The following EFCAB6 variants were observed in gnomAD, a reference collection of about 807,000 sequenced individuals.
EFCAB6 encodes EF-hand calcium binding domain 6.
A neutral mutation model predicts 169.8 loss-of-function variants in EFCAB6; 156 were observed. The ratio of observed to expected loss-of-function variants is 0.92; its 90% confidence interval spans 0.81 to 1.05. The LOEUF is 1.05. Among genes scored for constraint, EFCAB6 ranks in the 50% least tolerant of loss-of-function variants. The pLI is 0.00. For synonymous variants in EFCAB6, 698 were observed against 676.4 expected, an observed-to-expected ratio of 1.03 and a Z score of -0.50; for missense variants, 1,800 against 1,829.1, an observed-to-expected ratio of 0.98 and a Z score of 0.29.
intron 22 of EFCAB6, among the ~76,000 whole-genome samples, chr22:43,608,060 A>T (rs2053041471): frequency 6.6e-6 from 1 of 152,228 alleles, no homozygotes; most frequent in African/African-American, 2.4e-5. Flanking sequence ...ACAGTTGTGC[A>T]GCATTAATTT....
intron 8 of EFCAB6, among the ~76,000 whole-genome samples, chr22:43,723,341 T>C (rs2147511778): frequency 6.6e-6 from 1 of 151,596 alleles, no homozygotes; most frequent in East Asian, 2.0e-4. Flanking sequence ...ATGGAGGGGG[T>C]GTGGATTGAA....
chr22:43,540,585 G>A, intron 27 of EFCAB6: 1 of 1,473,634 alleles, frequency 6.8e-7, no homozygotes, highest in Non-Finnish European at 9.0e-7. Flanking sequence ...GGCTTCTGCA[G>A]GACATTTTTT....
At chr22:43,716,373 T>C (rs2059332772) in intron 9 of EFCAB6, among the ~76,000 whole-genome samples, 1 of 152,180 alleles carries the variant, frequency 6.6e-6, no homozygotes, top group Non-Finnish European at 1.5e-5. Context: ...TGAATGTCCA[T>C]TGCTGCACCA....
At chr22:43,530,415 A>T in intron 31 of EFCAB6, 1 of 702,530 alleles carries the variant, frequency 1.4e-6, no homozygotes. Flanking sequence ...GGCAGGGCTC[A>T]CTTTGCAGGC....
chr22:43,573,527 T>C (rs1386823748), intron 26 of EFCAB6, among the ~76,000 whole-genome samples: 2 of 152,136 alleles, frequency 1.3e-5, no homozygotes, highest in Non-Finnish European at 1.5e-5. Context: ...AGGTAGGAGT[T>C]TGAGACTAGC....
At chr22:43,630,771 C>T (rs2147873739) in intron 19 of EFCAB6, among the ~76,000 whole-genome samples, 1 of 152,342 alleles carries the variant, frequency 6.6e-6, no homozygotes, top group African/African-American at 2.4e-5. Flanking sequence ...CTTAAATGAC[C>T]CCTGCCTCCT....
chr22:43,557,564 A>G (rs901827822), intron 26 of EFCAB6, among the ~76,000 whole-genome samples: 14 of 152,216 alleles, frequency 9.2e-5, no homozygotes, highest in African/African-American at 3.4e-4. Context: ...AAAGGTGTTA[A>G]GCCCAGATGA....
intron 17 of EFCAB6, among the ~76,000 whole-genome samples, chr22:43,649,682 A>G (rs2056366349): frequency 6.6e-6 from 1 of 152,216 alleles, no homozygotes. Context: ...AATATCTTGC[A>G]GATTTAAGCT....
chr22:43,658,332 C>T lies in EFCAB6; in HGVS notation c.1983+8772G>A, dbSNP rs530667467. ...GCAAGGCGGGGGAACCTTTCAGAGG[C>T]GACCTAGGGATGTGTGAACAGCTGG... On this transcript the variant is annotated intron_variant, in intron 17 of 31. Transcript: ENST00000262726. Among the ~76,000 whole-genome samples, 10 of 152,248 alleles carry T rather than the reference C, an allele frequency of 6.6e-5. No homozygotes were observed. In the South Asian group the frequency reaches 1.5e-3, roughly 22 times the overall value.
At chr22:43,710,856 G>T (rs1386176994) in intron 10 of EFCAB6, among the ~76,000 whole-genome samples, 1 of 152,132 alleles carries the variant, frequency 6.6e-6, no homozygotes, top group Admixed American at 6.6e-5. Flanking sequence ...AGGGAGTCAG[G>T]GGAGGGAGAT....
At chr22:43,784,718 C>CAAATATATATATAT (rs1256297031) in intron 2 of EFCAB6, among the ~76,000 whole-genome samples, 3 of 112,238 alleles carry the variant, frequency 2.7e-5, no homozygotes, top group African/African-American at 1.0e-4. Flanking sequence ...CACACACACA[C>CAAATATATATATAT]ATATATATAT....
At chr22:43,784,635 ATATGTACACATATATATGTG>A (rs2061991261) in intron 2 of EFCAB6, among the ~76,000 whole-genome samples, 2 of 59,170 alleles carry the variant, frequency 3.4e-5, no homozygotes, top group East Asian at 6.1e-4. Context: ...ATATATATGT[ATATGTACACATATATATGTG>A]TATATATACA....
In EFCAB6 at chr22:43,682,549, C is replaced by T. The variant is rs16990911; in HGVS notation, c.1251+1198G>A. Among the ~76,000 whole-genome samples the T allele has an allele frequency of 5.2e-3, 791 of 152,308 alleles. 11 individuals are homozygous for T. Among genetic ancestry groups the T allele is most frequent in the African/African-American group, 0.018 (744 of 41,578 alleles). On this transcript the variant is annotated intron_variant, in intron 12 of 31. Coordinates refer to ENST00000262726, the MANE Select transcript of EFCAB6 (RefSeq NM_022785.4). ...CAAAGGCCTCGTTTATCTTTTCCCA[C>T]GCGGCTCAGCCAGCAGGGTCCTGGG...
chr22:43,791,744 AGAG>A (rs1427416979), intron 2 of EFCAB6, among the ~76,000 whole-genome samples: 1 of 152,142 alleles, frequency 6.6e-6, no homozygotes, highest in East Asian at 1.9e-4. Context: ...TGAACAATTC[AGAG>A]GAGAACGAGT....
chr22:43,794,680 G>A (rs1373161389), intron 2 of EFCAB6, among the ~76,000 whole-genome samples: 3 of 152,120 alleles, frequency 2.0e-5, no homozygotes, highest in African/African-American at 7.2e-5. Flanking sequence ...AAAATTAAAA[G>A]CAAGCCATCT....
At chr22:43,632,804 C>T (rs766750056) in intron 18 of EFCAB6, among the ~76,000 whole-genome samples, 3 of 152,196 alleles carry the variant, frequency 2.0e-5, no homozygotes, top group Non-Finnish European at 4.4e-5. Context: ...CCTCACAGAC[C>T]GCACTTGGCA....
In EFCAB6 at chr22:43,744,704, C is replaced by T. The variant is rs1022323981; in HGVS notation, c.508-8711G>A. On this transcript the variant is annotated intron_variant, in intron 6 of 31. Transcript: ENST00000262726. This position sits in a 1 kb window ranked among gnomAD's most constrained non-coding sequence, Gnocchi z 4.3. ...ATGAAGTTCAGAGGCCCCCAAAGCA[C>T]TGTCCTAATTACTCCCCACGGACCC... Among the ~76,000 whole-genome samples the T allele has an allele frequency of 1.3e-5, 2 of 152,166 alleles. No individual in the cohort carries two copies. The highest frequency in any genetic ancestry group is 2.9e-5 in the Non-Finnish European group (2 of 68,026).
At chr22:43,712,400 C>T (rs1398925460) in intron 9 of EFCAB6, among the ~76,000 whole-genome samples, 1 of 152,012 alleles carries the variant, frequency 6.6e-6, no homozygotes, top group Admixed American at 6.6e-5. Context: ...TGTAAAAGGT[C>T]ATTTTCTTAA....
chr22:43,801,632 A>G (rs1029108740), intron 2 of EFCAB6, among the ~76,000 whole-genome samples: 1 of 152,234 alleles, frequency 6.6e-6, no homozygotes, highest in South Asian at 2.1e-4. Context: ...GTTTGTTTAT[A>G]TTCTTTTTTC....
Sources: gnomAD v4.1 joint callset for allele counts (sites outside exome capture counted in the v4.1 genomes callset) on GRCh38, gnomAD v4.1.1 for gene constraint, Gnocchi (gnomAD v3.1) non-coding constraint, MANE v1.5 for transcripts, NCBI Gene and HGNC (gene_info 2026-07-23, HGNC 2026-07-21) for gene names.